The following TBC1D7 variants were observed in gnomAD, a reference collection of about 807,000 sequenced individuals.
The protein encoded by TBC1D7 is TBC domain family 7.
A neutral mutation model predicts 35.3 loss-of-function variants in TBC1D7; 33 were observed. The observed-to-expected ratio is 0.93, with a 90% confidence interval of 0.71 to 1.25. TBC1D7 has a LOEUF of 1.25. Ranked by LOEUF, TBC1D7 falls within the 50% of genes most tolerant of loss-of-function variation. The pLI, the probability that TBC1D7 is intolerant of heterozygous loss-of-function variation, is 0.00. For missense variants in TBC1D7, 362 were observed against 365.3 expected, an observed-to-expected ratio of 0.99 and a Z score of 0.07; for synonymous variants, 135 against 129.5, an observed-to-expected ratio of 1.04 and a Z score of -0.29.
At chr6:13,310,417 C>A (rs1443399594) in intron 5 of TBC1D7, among the ~76,000 whole-genome samples, 1 of 152,004 alleles carries the variant, frequency 6.6e-6, no homozygotes, top group Non-Finnish European at 1.5e-5. Flanking sequence ...GTGGGTGGAT[C>A]ACTTGAGGTC....
chr6:13,320,810 C>T, intron 4 of TBC1D7, 98 bp downstream of exon 4: 1 of 1,140,458 alleles, frequency 8.8e-7, no homozygotes. Flanking sequence ...AACAGGGAGC[C>T]ACCAAAAGTT....
chr6:13,309,970 T>C (rs1783077174), intron 5 of TBC1D7, among the ~76,000 whole-genome samples: 1 of 152,180 alleles, frequency 6.6e-6, no homozygotes, highest in Non-Finnish European at 1.5e-5. Context: ...AATATAAAAT[T>C]ACACTGAAGT....
chr6:13,317,159 T>G (rs925823593), intron 4 of TBC1D7, among the ~76,000 whole-genome samples: 31 of 152,212 alleles, frequency 2.0e-4, no homozygotes, highest in Non-Finnish European at 2.4e-4. Context: ...AGCATTTGCT[T>G]TATTTCAAAG....
chr6:13,313,135 C>A (rs1783350361), intron 5 of TBC1D7, among the ~76,000 whole-genome samples: 1 of 152,064 alleles, frequency 6.6e-6, no homozygotes, highest in South Asian at 2.1e-4. Context: ...TTGCAAGTCC[C>A]ATTTTATGTA....
chr6:13,322,352 A>C (rs904658138), intron 3 of TBC1D7, among the ~76,000 whole-genome samples: 3 of 152,206 alleles, frequency 2.0e-5, no homozygotes, highest in Non-Finnish European at 4.4e-5. Flanking sequence ...ACTCTGGAGC[A>C]AAGTTCCTGG....
At chr6:13,307,403 T>C in intron 6 of TBC1D7, 197 bp downstream of exon 6, 1 of 570,158 alleles carries the variant, frequency 1.8e-6, no homozygotes, top group Non-Finnish European at 3.1e-6. Flanking sequence ...TCTAACGCAC[T>C]GAGGGCCCTT....
chr6:13,314,331 G>T (rs1189527848), intron 5 of TBC1D7, among the ~76,000 whole-genome samples: 1 of 152,204 alleles, frequency 6.6e-6, no homozygotes, highest in African/African-American at 2.4e-5. Context: ...TTGCAGGGAT[G>T]GGGGGTGGTT....
At chr6:13,305,259 G>C in intron 7 of TBC1D7, 72 bp from the exon 8 acceptor site, 1 of 1,423,734 alleles carries the variant, frequency 7.0e-7, no homozygotes, top group Non-Finnish European at 9.9e-7. Context: ...CATTCGCTGT[G>C]GCATGAAATC....
intron 5 of TBC1D7, among the ~76,000 whole-genome samples, chr6:13,314,204 CA>C (rs5874413): frequency 0.38 from 41,031 of 108,856 alleles, 5,583 homozygotes; most frequent in South Asian, 0.5. Context: ...GACTCCATCT[CA>C]AAAAAAAAAA....
intron 3 of TBC1D7, among the ~76,000 whole-genome samples, chr6:13,322,183 A>C (rs1584566343): frequency 1.3e-5 from 2 of 152,204 alleles, no homozygotes; most frequent in East Asian, 3.9e-4. Flanking sequence ...GAGCCTAGGA[A>C]GTCAAGGCCA....
intron 4 of TBC1D7, chr6:13,320,640 G>A (rs905357049): frequency 1.6e-6 from 1 of 623,120 alleles, no homozygotes; most frequent in African/African-American, 1.8e-5. Flanking sequence ...TGGGTAAAGG[G>A]TATATGCAAA....
intron 4 of TBC1D7, chr6:13,320,494 C>A: frequency 6.4e-6 from 3 of 468,776 alleles, no homozygotes; most frequent in South Asian, 6.9e-5. Context: ...CGTTTTAAAA[C>A]AACAAAGCAA....
In TBC1D7 at chr6:13,321,110, A is replaced by T. The variant is rs1784014385; in HGVS notation, c.194-15T>A. On this transcript the variant is annotated splice_polypyrimidine_tract_variant and intron_variant, in intron 3 of 7. Coordinates refer to ENST00000379300, the MANE Select transcript of TBC1D7 (RefSeq NM_016495.6). Reference sequence around the variant, plus strand: ...AGGCAAGATTCCTAGAGAGAACAGGAAAAACGAAAAAAGGACAAAATACTG... The same window carrying T: ...AGGCAAGATTCCTAGAGAGAACAGGTAAAACGAAAAAAGGACAAAATACTG... 1 of 1,596,242 alleles carries T rather than the reference A, an allele frequency of 6.3e-7. No homozygotes were observed. Among genetic ancestry groups the T allele is most frequent in the Non-Finnish European group, 8.5e-7 (1 of 1,170,134 alleles).
At chr6:13,305,281 G>T in intron 7 of TBC1D7, 94 bp from the exon 8 acceptor site, 2 of 1,187,024 alleles carry the variant, frequency 1.7e-6, no homozygotes, top group Non-Finnish European at 2.5e-6. Context: ...ACTTCCATGG[G>T]AGTTTGCACT....
intron 4 of TBC1D7, 32 bp from the exon 5 acceptor site, chr6:13,316,740 G>A (rs201392716): frequency 7.5e-6 from 12 of 1,608,822 alleles, no homozygotes; most frequent in Non-Finnish European, 1.0e-5. Flanking sequence ...TCAAGAGGAA[G>A]GCAGTGAAAG....
chr6:13,324,341 G>T (rs1400902235), intron 3 of TBC1D7, among the ~76,000 whole-genome samples: 1 of 152,136 alleles, frequency 6.6e-6, no homozygotes, highest in Non-Finnish European at 1.5e-5. Flanking sequence ...TGTTGGCCAG[G>T]ATGGTCTCAA....
At position 13,307,304 on chromosome 6, in the gene TBC1D7, G is replaced by A. The variant is rs3800481; in HGVS notation, c.665+296C>T. ...TGAAACTAACACTAAGATTTCTACT[G>A]GAGGAAGATTTGTCACATTTCTGGA... On this transcript the variant is annotated intron_variant, in intron 6 of 7. Coordinates refer to ENST00000379300, the MANE Select transcript of TBC1D7 (RefSeq NM_016495.6). The A allele has an allele frequency of 0.13, 33,328 of 257,904 alleles. 2,634 individuals carry two copies. Among genetic ancestry groups the A allele is most frequent in the East Asian group, 0.33 (4,331 of 13,068 alleles). The allele number at this position is 257,904 out of a possible 1,614,324, so 16.0% of individuals were successfully genotyped here.
intron 5 of TBC1D7, among the ~76,000 whole-genome samples, chr6:13,311,332 T>A (rs772543935): frequency 1.3e-5 from 2 of 152,212 alleles, no homozygotes; most frequent in Non-Finnish European, 2.9e-5. Flanking sequence ...GAATTCAATT[T>A]GAAAAGCTTG....
intron 1 of TBC1D7, chr6:13,327,605 G>A (rs921683006): frequency 1.3e-5 from 2 of 152,176 alleles, no homozygotes; most frequent in Non-Finnish European, 2.9e-5. Flanking sequence ...AACTAGAAGA[G>A]GGTAAAGAAT....
Sources: allele counts gnomAD v4.1 joint callset (sites outside exome capture counted in the v4.1 genomes callset), GRCh38; gene constraint gnomAD v4.1.1; transcripts MANE v1.5; gene names NCBI Gene and HGNC (gene_info 2026-07-23, HGNC 2026-07-21).